The following MICAL3 variants were observed in gnomAD, a reference collection of about 807,000 sequenced individuals.
The protein encoded by MICAL3 is microtubule associated monooxygenase, calponin and LIM domain containing 3, also known as [F-actin]-monooxygenase MICAL3.
A neutral mutation model predicts 207.4 loss-of-function variants in MICAL3; 62 were observed. The ratio of observed to expected loss-of-function variants is 0.30; its 90% CI spans 0.24 to 0.37. The LOEUF is 0.37. Ranked by LOEUF, MICAL3 falls within the 10% of genes least tolerant of loss-of-function variation. The probability of loss-of-function intolerance (pLI) is 1.00; values close to 1 mark genes in which losing one functional copy is unlikely to be tolerated. For missense variants in MICAL3, 2,368 were observed against 2,635.6 expected (o/e 0.90, Z 2.22); for synonymous variants, 1,077 against 1,069.3 (o/e 1.01, Z -0.14).
At position 17,810,764 on chromosome 22, in the gene MICAL3, AC is replaced by A; in HGVS notation, c.5494del (p.Val1832CysfsTer62). 6.2e-7 allele frequency: 1 copy of A among 1,613,952 alleles called. No individual in the cohort carries two copies. The highest frequency in any genetic ancestry group is 2.2e-5 in the East Asian group (1 of 44,876). On this transcript the variant is annotated frameshift_variant, in exon 28 of 32. Coordinates refer to ENST00000441493, the MANE Select transcript of MICAL3 (RefSeq NM_015241.3). LOFTEE classifies it high-confidence loss of function. ...GGCCTGTCTCCGAGCTGCCTTTTGCACACGCCGGGTCAGCTTGGCATTCAGT... is the reference window on the plus strand; with the variant it reads ...GGCCTGTCTCCGAGCTGCCTTTTGCAACGCCGGGTCAGCTTGGCATTCAGT... The part of the protein sequence containing the change: ...EELNAKLTRR[V>X]QKAARRQAKQ...
intron 29 of MICAL3, among the ~76,000 whole-genome samples, chr22:17,803,188 G>A (rs1423693581): frequency 6.6e-6 from 1 of 152,158 alleles, no homozygotes; most frequent in Non-Finnish European, 1.5e-5. Context: ...GAGAACCACG[G>A]CCTGGAGCTT....
At chr22:17,877,924 C>T (rs951741461) in intron 16 of MICAL3, among the ~76,000 whole-genome samples, 5 of 151,968 alleles carry the variant, frequency 3.3e-5, no homozygotes, top group Non-Finnish European at 7.4e-5. Context: ...GCGATCTTGG[C>T]TCACTGCAAG....
chr22:17,793,481 T>C lies in MICAL3; in HGVS notation c.5651-2180A>G, dbSNP rs1268833606. 1.3e-5 allele frequency among the ~76,000 whole-genome samples: 2 copies of C among 152,192 alleles called. No homozygotes were observed. Among genetic ancestry groups the C allele is most frequent in the Non-Finnish European group, 2.9e-5 (2 of 68,026 alleles). On this transcript the variant is annotated intron_variant, in intron 29 of 31. Transcript: ENST00000441493. The surrounding 1 kb of genome is among the most constrained non-coding windows in gnomAD (Gnocchi z 4.1). The stretch of plus-strand genomic sequence containing the variant: ...CCAGCCACGAAGGGCCAGCCAATGC[T>C]GCAGCCCTGAAGGACCCAGACCTGG...
chr22:17,853,175 C>T (rs1925518182), intron 19 of MICAL3, among the ~76,000 whole-genome samples: 1 of 152,090 alleles, frequency 6.6e-6, no homozygotes, highest in African/African-American at 2.4e-5. Flanking sequence ...GTCATAGAAT[C>T]AGTAGGTGAC....
chr22:17,958,734 G>A (rs1209891928), intron 1 of MICAL3, among the ~76,000 whole-genome samples: 5 of 149,822 alleles, frequency 3.3e-5, no homozygotes, highest in African/African-American at 1.2e-4. Context: ...ACAGAGTTTC[G>A]CTCTTGTTGC....
At chr22:18,018,234 A>C (rs1230551997) in intron 1 of MICAL3, among the ~76,000 whole-genome samples, 1 of 152,244 alleles carries the variant, frequency 6.6e-6, no homozygotes, top group Admixed American at 6.5e-5. Context: ...TAACTTGAAA[A>C]TTATCCATAG....
intron 17 of MICAL3, among the ~76,000 whole-genome samples, chr22:17,869,678 T>A (rs978861150): frequency 6.6e-6 from 1 of 152,196 alleles, no homozygotes; most frequent in Non-Finnish European, 1.5e-5. Flanking sequence ...AGTATGGAGT[T>A]GGCAGCAGGC....
At chr22:17,995,338 G>A (rs1193791586) in intron 1 of MICAL3, among the ~76,000 whole-genome samples, 1 of 151,560 alleles carries the variant, frequency 6.6e-6, no homozygotes, top group African/African-American at 2.4e-5. Context: ...CACCATGCCC[G>A]GCTAATTTTT....
At chr22:17,809,162 T>C (rs977701352) in intron 28 of MICAL3, among the ~76,000 whole-genome samples, 2 of 152,200 alleles carry the variant, frequency 1.3e-5, no homozygotes, top group African/African-American at 4.8e-5. Flanking sequence ...TCAAAGCGCG[T>C]GGACGTGACT....
rs1239655452 is a variant in MICAL3, at chr22:17,976,531, A to ATGTGTGTGTGTGTGTGTGTG, written c.-75+47749_-75+47750insCACACACACACACACACACA. On this transcript the variant is annotated intron_variant, in intron 1 of 31. Transcript: ENST00000441493. The stretch of plus-strand genomic sequence containing the variant: ...AAAATATACATGTATATATGTGTAT[A>ATGTGTGTGTGTGTGTGTGTG]TATATGTGTGTGTGTGTGTGTGTGT... Among the ~76,000 whole-genome samples the ATGTGTGTGTGTGTGTGTGTG allele has an allele frequency of 1.3e-4, 15 of 114,726 alleles. 1 individual carries two copies. Among genetic ancestry groups the ATGTGTGTGTGTGTGTGTGTG allele is most frequent in the African/African-American group, 5.8e-4 (15 of 25,826 alleles). The allele number at this position is 114,726 out of a possible 152,430, so 75.3% of individuals were successfully genotyped here.
intron 7 of MICAL3, among the ~76,000 whole-genome samples, chr22:17,898,520 T>C (rs535939624): frequency 1.3e-5 from 2 of 152,336 alleles, no homozygotes; most frequent in East Asian, 3.9e-4. Flanking sequence ...TATAAGGTAG[T>C]ACTGTAGCTC....
intron 29 of MICAL3, among the ~76,000 whole-genome samples, chr22:17,805,631 G>C (rs185101156): frequency 1.3e-5 from 2 of 152,208 alleles, no homozygotes. Flanking sequence ...GAACCCTAAG[G>C]TTCTTCCAAA....
At chr22:17,898,000 A>G (rs1714119556) in intron 7 of MICAL3, among the ~76,000 whole-genome samples, 1 of 152,174 alleles carries the variant, frequency 6.6e-6, no homozygotes, top group Non-Finnish European at 1.5e-5. Flanking sequence ...TTAAAGCCAA[A>G]ACACAAACAC....
At chr22:17,947,706 T>C (rs1437209692) in intron 1 of MICAL3, among the ~76,000 whole-genome samples, 5 of 151,986 alleles carry the variant, frequency 3.3e-5, no homozygotes, top group African/African-American at 7.3e-5. Context: ...CCACAGGCGA[T>C]GGTGTGCACC....
chr22:17,866,084 A>C, intron 17 of MICAL3, 72 bp from the exon 18 acceptor site: 6 of 1,138,226 alleles, frequency 5.3e-6, no homozygotes, highest in Non-Finnish European at 6.6e-6. Flanking sequence ...CCCTGGTCTC[A>C]GCCACTCCTT....
chr22:17,891,830 A>C (rs1930416631), intron 11 of MICAL3, among the ~76,000 whole-genome samples, 198 bp from the exon 12 acceptor site: 1 of 152,202 alleles, frequency 6.6e-6, no homozygotes, highest in South Asian at 2.1e-4. Flanking sequence ...TTCTAAGAAA[A>C]GAAACTACTA....
chr22:17,928,507 A>G (rs1933045176), intron 1 of MICAL3, among the ~76,000 whole-genome samples: 1 of 152,188 alleles, frequency 6.6e-6, no homozygotes. Context: ...AGTGTATGAG[A>G]TATATCTAGT....
chr22:17,979,923 G>GCTCAAGCAATCCTCCTGGC (rs1935833116), intron 1 of MICAL3, among the ~76,000 whole-genome samples: 1 of 152,120 alleles, frequency 6.6e-6, no homozygotes, highest in South Asian at 2.1e-4. Flanking sequence ...GACCTCCTGG[G>GCTCAAGCAATCCTCCTGGC]CTCAAGCAAT....
intron 1 of MICAL3, among the ~76,000 whole-genome samples, chr22:17,992,896 G>A (rs1921852227): frequency 6.6e-6 from 1 of 152,200 alleles, no homozygotes; most frequent in Non-Finnish European, 1.5e-5. Context: ...GGGGTGAAAG[G>A]ACTCTACCTG....
Sources: allele counts gnomAD v4.1 joint callset (sites outside exome capture counted in the v4.1 genomes callset), GRCh38; gene constraint gnomAD v4.1.1; non-coding constraint Gnocchi (gnomAD v3.1); transcripts MANE v1.5; gene names NCBI Gene and HGNC (gene_info 2026-07-23, HGNC 2026-07-21).